The following EYS variants were observed in gnomAD, a reference collection of about 807,000 sequenced individuals.
The protein encoded by EYS is protein eyes shut homolog.
Under a neutral mutation model 282.1 loss-of-function variants are expected in EYS, and 250 were observed. The ratio of observed to expected loss-of-function variants is 0.89; its 90% CI spans 0.80 to 0.98. EYS has a LOEUF of 0.98. Ranked by LOEUF, EYS falls within the 50% of genes least tolerant of loss-of-function variation. EYS has a pLI of 0.00. For missense variants in EYS, 4,016 were observed against 3,709.0 expected (o/e 1.08, Z -2.15); for synonymous variants, 1,355 against 1,282.9 (o/e 1.06, Z -1.20).
At chr6:65,342,825 T>G (rs1461094486) in intron 10 of EYS, among the ~76,000 whole-genome samples, 1 of 150,830 alleles carries the variant, frequency 6.6e-6, no homozygotes, top group African/African-American at 2.4e-5. Context: ...TTAATTAAAG[T>G]TGGTGATTTA....
At chr6:64,561,902 T>A (rs80168490) in intron 26 of EYS, among the ~76,000 whole-genome samples, 3,829 of 84,070 alleles carry the variant, frequency 0.046, 120 homozygotes, top group East Asian at 0.13. Context: ...AAAACTATTA[T>A]AAAATTCACA....
At chr6:65,485,900 T>C (rs569372818) in intron 5 of EYS, among the ~76,000 whole-genome samples, 1 of 152,300 alleles carries the variant, frequency 6.6e-6, no homozygotes, top group South Asian at 2.1e-4. Context: ...CTCCAATTCA[T>C]TAAATTAAAA....
chr6:63,930,326 G>A (rs985785895), intron 35 of EYS, among the ~76,000 whole-genome samples: 1 of 113,040 alleles, frequency 8.8e-6, no homozygotes, highest in African/African-American at 3.4e-5. Context: ...GGTTGATCAC[G>A]TTTACATTCA....
intron 11 of EYS, among the ~76,000 whole-genome samples, chr6:65,334,506 G>A (rs1049877096): frequency 2.6e-5 from 4 of 151,818 alleles, no homozygotes; most frequent in African/African-American, 9.7e-5. Flanking sequence ...TTGGCCTCAA[G>A]CTATTCTCTT....
chr6:63,769,984 G>A (rs138582494), intron 40 of EYS, among the ~76,000 whole-genome samples: 213 of 152,046 alleles, frequency 1.4e-3, no homozygotes, highest in Non-Finnish European at 2.7e-3. Flanking sequence ...ATTGTACTTC[G>A]TTACCAAGGT....
chr6:63,928,829 C>A (rs1173150305), intron 35 of EYS, among the ~76,000 whole-genome samples: 1 of 152,136 alleles, frequency 6.6e-6, no homozygotes, highest in Non-Finnish European at 1.5e-5. Flanking sequence ...ACACAATTAC[C>A]AAAACCCACC....
intron 12 of EYS, among the ~76,000 whole-genome samples, chr6:65,188,658 T>G (rs1765568715): frequency 6.6e-6 from 1 of 151,068 alleles, no homozygotes; most frequent in South Asian, 2.1e-4. Flanking sequence ...TATTCTGAAT[T>G]ATCTGGCAGG....
intron 12 of EYS, among the ~76,000 whole-genome samples, chr6:65,184,511 G>A (rs1765470336): frequency 6.6e-6 from 1 of 151,160 alleles, no homozygotes; most frequent in African/African-American, 2.4e-5. Context: ...TCAAACCATA[G>A]CATGATTCAA....
chr6:65,438,994 C>T (rs535376102), intron 5 of EYS, among the ~76,000 whole-genome samples: 2 of 152,058 alleles, frequency 1.3e-5, no homozygotes, highest in African/African-American at 2.4e-5. Context: ...TTAGGTCTAA[C>T]ATTTAAGTCT....
intron 32 of EYS, among the ~76,000 whole-genome samples, chr6:64,071,411 T>C (rs1206340775): frequency 6.6e-6 from 1 of 151,868 alleles, no homozygotes; most frequent in Non-Finnish European, 1.5e-5. Context: ...GACTATTTTT[T>C]TATCTACTTG....
chr6:65,332,404 T>C, intron 11 of EYS: 1 of 1,318,158 alleles, frequency 7.6e-7, no homozygotes, highest in South Asian at 1.3e-5. Flanking sequence ...GGTATCACCG[T>C]GTTGAGGATT....
At chr6:64,495,780 T>A (rs1231577366) in intron 26 of EYS, among the ~76,000 whole-genome samples, 1 of 151,912 alleles carries the variant, frequency 6.6e-6, no homozygotes, top group Non-Finnish European at 1.5e-5. Flanking sequence ...CACTAATGAT[T>A]CTCTAGTTTT....
At chr6:65,214,449 C>A (rs114550401) in intron 12 of EYS, among the ~76,000 whole-genome samples, 2 of 152,130 alleles carry the variant, frequency 1.3e-5, no homozygotes, top group African/African-American at 2.4e-5. Context: ...TCAGGGAAGG[C>A]GGGAGAGAGG....
chr6:65,151,153 TA>T (rs202210398), intron 12 of EYS, among the ~76,000 whole-genome samples: 2,051 of 151,810 alleles, frequency 0.014, 26 homozygotes, highest in African/African-American at 0.029. Flanking sequence ...AATTTGATAC[TA>T]AAAAAAATAT....
chr6:65,100,739 T>G (rs898877716), intron 12 of EYS, among the ~76,000 whole-genome samples: 1 of 150,366 alleles, frequency 6.7e-6, no homozygotes, highest in Non-Finnish European at 1.5e-5. Flanking sequence ...CTTCGTTTGT[T>G]TTACCAAATC....
chr6:63,868,875 A>G (rs1452231918), intron 35 of EYS, among the ~76,000 whole-genome samples: 3 of 152,212 alleles, frequency 2.0e-5, no homozygotes, highest in African/African-American at 4.8e-5. Flanking sequence ...CTAGTACTGT[A>G]GATAGATTTT....
At chr6:63,740,567 C>T (rs955530115) in intron 41 of EYS, among the ~76,000 whole-genome samples, 1 of 152,154 alleles carries the variant, frequency 6.6e-6, no homozygotes, top group Admixed American at 6.5e-5. Context: ...TTTCTCTCAC[C>T]TGGTTTGAAA....
intron 22 of EYS, among the ~76,000 whole-genome samples, chr6:64,774,174 T>A (rs531056865): frequency 1.3e-5 from 2 of 152,098 alleles, no homozygotes; most frequent in East Asian, 3.9e-4. Context: ...ACCCACGTGA[T>A]CCTGGTTGCA....
At chr6:63,976,187 T>C (rs1766828196) in intron 35 of EYS, among the ~76,000 whole-genome samples, 1 of 151,990 alleles carries the variant, frequency 6.6e-6, no homozygotes, top group Non-Finnish European at 1.5e-5. Flanking sequence ...AGTGAGTGAG[T>C]GGTGACCAAA....
Sources: gnomAD v4.1 joint callset for allele counts (sites outside exome capture counted in the v4.1 genomes callset) on GRCh38, gnomAD v4.1.1 for gene constraint, MANE v1.5 for transcripts, NCBI Gene and HGNC (gene_info 2026-07-23, HGNC 2026-07-21) for gene names.